The following PSMG2 variants were observed in gnomAD, a reference collection of about 807,000 sequenced individuals.
PSMG2 encodes the protein CD40 ligand-activated specific transcript 3.
In PSMG2, 21 loss-of-function variants were observed where a neutral mutation model predicts 31.5. The ratio of observed to expected loss-of-function variants is 0.67; its 90% CI spans 0.47 to 0.96. PSMG2 has a LOEUF of 0.96. PSMG2 is among the 40% of genes least tolerant of loss of function. The pLI, the probability that PSMG2 is intolerant of heterozygous loss-of-function variation, is 0.00. For synonymous variants in PSMG2, 120 were observed against 110.4 expected, an observed-to-expected ratio of 1.09 and a Z score of -0.54; for missense variants, 318 against 321.2, an observed-to-expected ratio of 0.99 and a Z score of 0.08.
chr18:12,701,421 T>A (rs1054959180), upstream of PSMG2, among the ~76,000 whole-genome samples: 3 of 152,154 alleles, frequency 2.0e-5, no homozygotes. Context: ...TATGATCTTA[T>A]TACTTTCATA....
At chr18:12,685,133 T>A (rs2039496369) in intron 1 of PSMG2, 1 of 152,106 alleles carries the variant, frequency 6.6e-6, no homozygotes, top group African/African-American at 2.4e-5. Flanking sequence ...CCTCAGTAGC[T>A]AAGATTACAG....
At chr18:12,702,705 CG>C (rs1031384964), upstream of PSMG2, 23 of 800,868 alleles carry the variant, frequency 2.9e-5, no homozygotes, top group Middle Eastern at 1.1e-3. Context: ...CGCGTCAGGC[CG>C]GGGGCTGACC....
intron 1 of PSMG2, chr18:12,674,495 A>C: frequency 6.8e-7 from 1 of 1,475,416 alleles, no homozygotes; most frequent in African/African-American, 1.4e-5. Flanking sequence ...GATCTGTAAG[A>C]CTCCTAAACT....
intron 1 of PSMG2, among the ~76,000 whole-genome samples, chr18:12,705,574 A>AGTGTGTGTGTGTGTGT (rs1222721405): frequency 6.6e-5 from 9 of 135,720 alleles, no homozygotes; most frequent in African/African-American, 2.2e-4. Context: ...AGAGAGAGAG[A>AGTGTGTGTGTGTGTGT]GAGTGTGTGT....
rs144922348 is a variant in PSMG2 at position 12,664,339 on chromosome 18, C to T, written c.-37+5566C>T. Reference sequence around the variant, plus strand: ...AGGGTGGATCACGAGGCCAGGAGATCGAGACCATCCTGGCTAACACGGTGA... The same window carrying T: ...AGGGTGGATCACGAGGCCAGGAGATTGAGACCATCCTGGCTAACACGGTGA... On this transcript the variant is annotated intron_variant, in intron 1 of 6. Coordinates refer to the PSMG2 transcript ENST00000585331. Among the ~76,000 whole-genome samples, 1,436 of 151,988 alleles carry T rather than the reference C, an allele frequency of 9.4e-3. 31 individuals are homozygous for T. The highest frequency in any genetic ancestry group is 0.032 in the African/African-American group (1,322 of 41,460).
chr18:12,663,097 A>G (rs2038731290), intron 1 of PSMG2, among the ~76,000 whole-genome samples: 1 of 152,216 alleles, frequency 6.6e-6, no homozygotes, highest in Admixed American at 6.5e-5. Flanking sequence ...GCAAATGTTA[A>G]GTGACTTACC....
intron 1 of PSMG2, chr18:12,697,521 C>T (rs1043710832): frequency 9.7e-6 from 7 of 720,482 alleles, no homozygotes; most frequent in Admixed American, 6.9e-5. Flanking sequence ...CCAAAGAGAA[C>T]AATTTGCTAA....
At chr18:12,660,659 AT>A in intron 1 of PSMG2, among the ~76,000 whole-genome samples, 1 of 151,802 alleles carries the variant, frequency 6.6e-6, no homozygotes. Context: ...CAACACTAGG[AT>A]TTTCCTTGAG....
At position 12,713,338 on chromosome 18, in the gene PSMG2, C is replaced by T. The variant is rs150238140; in HGVS notation, c.288+578C>T. Among the ~76,000 whole-genome samples the T allele has an allele frequency of 1.1e-3, 160 of 152,272 alleles. 2 individuals carry two copies. The highest frequency in any genetic ancestry group is 3.7e-3 in the African/African-American group (153 of 41,552). On this transcript the variant is annotated intron_variant, in intron 3 of 6. Transcript: ENST00000317615. The stretch of plus-strand genomic sequence containing the variant: ...GGGCTCGCTTCCTGATGCACTGTGA[C>T]ACCAGGTTTTTGAGACAAGAAAGGC...
At chr18:12,719,408 G>C (rs1315418816) in intron 4 of PSMG2, among the ~76,000 whole-genome samples, 1 of 152,148 alleles carries the variant, frequency 6.6e-6, no homozygotes, top group African/African-American at 2.4e-5. Context: ...TTATTTTTGA[G>C]ACGGAGTCTT....
At chr18:12,681,547 G>C (rs1370654064) in intron 1 of PSMG2, among the ~76,000 whole-genome samples, 1 of 152,026 alleles carries the variant, frequency 6.6e-6, no homozygotes, top group Non-Finnish European at 1.5e-5. Context: ...CCTGTGCCCA[G>C]CCTGGAATAT....
In PSMG2 at chr18:12,686,748, T is replaced by C. The variant is rs540412533; in HGVS notation, c.-36-19802T>C. ...GCAATAAGAACTCCTCTGAGAAATG[T>C]GTGGGTAGGTATGTAGGGGAGGGAG... On this transcript the variant is annotated intron_variant, in intron 1 of 6. Coordinates refer to the PSMG2 transcript ENST00000585331. 9 of 240,852 alleles carry C rather than the reference T, an allele frequency of 3.7e-5. No individual in the cohort carries two copies. In the South Asian group the frequency reaches 3.9e-4, roughly 11 times the overall value. 14.9% of individuals were successfully genotyped at this position (240,852 alleles called of 1,614,324 possible).
chr18:12,694,994 C>T (rs1433359371), intron 1 of PSMG2, among the ~76,000 whole-genome samples: 3 of 152,062 alleles, frequency 2.0e-5, no homozygotes, highest in African/African-American at 4.8e-5. Context: ...GGACTACAGG[C>T]GTGAGCCACC....
At position 12,680,615 on chromosome 18, in the gene PSMG2, A is replaced by C. The variant is rs952358170; in HGVS notation, c.-37+21842A>C. ...CCATCTCAAAAAAAAAAAAAAAAAA[A>C]AACTTATAACTTCATTTTAATATCC... is the stretch of plus-strand genomic sequence containing the variant. On this transcript the variant is annotated intron_variant, in intron 1 of 6. Transcript: ENST00000585331. 4.6e-4 allele frequency: 640 copies of C among 1,400,020 alleles called. 3 individuals carry two copies. The African/African-American group carries it at 7.1e-3, about 15-fold the overall frequency. The allele number at this position is 1,400,020 out of a possible 1,614,324, so 86.7% of individuals were successfully genotyped here.
chr18:12,684,718 G>C (rs1385052287), intron 1 of PSMG2: 1 of 149,974 alleles, frequency 6.7e-6, no homozygotes, highest in Non-Finnish European at 1.5e-5. Context: ...CCCGACCACA[G>C]GTGATCCACC....
intron 2 of PSMG2, among the ~76,000 whole-genome samples, chr18:12,712,074 A>G (rs2040337864): frequency 6.6e-6 from 1 of 152,164 alleles, no homozygotes; most frequent in South Asian, 2.1e-4. Context: ...ATTCTTAGAA[A>G]TGAAGTTGGG....
Position 12,721,388 on chromosome 18 carries a change from C to T in PSMG2, c.581+705C>T, listed in dbSNP as rs529769715. Among the ~76,000 whole-genome samples the T allele has an allele frequency of 9.9e-5, 15 of 152,116 alleles. No homozygotes were observed. The East Asian group carries it at 2.5e-3, about 25-fold the overall frequency. On this transcript the variant is annotated intron_variant, in intron 5 of 6. Coordinates refer to ENST00000317615, the MANE Select transcript of PSMG2 (RefSeq NM_020232.5). Reference sequence around the variant, plus strand: ...TTTTTAATTGTGGTAAAATATACATCGTGCAAAATTTACATTTATCACACA... The same window carrying T: ...TTTTTAATTGTGGTAAAATATACATTGTGCAAAATTTACATTTATCACACA...
At chr18:12,693,614 C>T (rs1248823686) in intron 1 of PSMG2, among the ~76,000 whole-genome samples, 1 of 152,042 alleles carries the variant, frequency 6.6e-6, no homozygotes, top group Non-Finnish European at 1.5e-5. Context: ...GAAACCCTGT[C>T]TCTATTAAAA....
upstream of PSMG2, chr18:12,701,103 T>A (rs1298646183): frequency 3.1e-6 from 5 of 1,611,488 alleles, no homozygotes; most frequent in Non-Finnish European, 3.4e-6. Context: ...TATTCTACCA[T>A]GGACATCCAT....
Sources: gnomAD v4.1 joint callset for allele counts (sites outside exome capture counted in the v4.1 genomes callset) on GRCh38, gnomAD v4.1.1 for gene constraint, MANE v1.5 for transcripts, NCBI Gene and HGNC (gene_info 2026-07-23, HGNC 2026-07-21) for gene names.